EML6: variants seen among roughly 807,000 people sequenced by gnomAD.
EML6 encodes the protein echinoderm microtubule-associated protein-like 6.
Under a neutral mutation model 240.1 loss-of-function variants are expected in EML6, and 154 were observed. That is an observed-to-expected ratio of 0.64 (90% CI 0.56 to 0.73). EML6 has a LOEUF of 0.73. Ranked by LOEUF, EML6 falls within the 30% of genes least tolerant of loss-of-function variation. The pLI is 0.00. For synonymous variants in EML6, 1,148 were observed against 899.0 expected, an observed-to-expected ratio of 1.28 and a Z score of -4.95; for missense variants, 2,964 against 2,474.6, an observed-to-expected ratio of 1.20 and a Z score of -4.20.
At chr2:54,805,707 A>G (rs56063218) in intron 2 of EML6, among the ~76,000 whole-genome samples, 5,738 of 152,134 alleles carry the variant, frequency 0.038, 381 homozygotes, top group African/African-American at 0.13. Context: ...CCTTTGTGTA[A>G]TGGTTCATGC....
Position 54,869,626 on chromosome 2 carries a change from A to C in EML6, c.2238+259A>C, listed in dbSNP as rs941011742. On this transcript the variant is annotated intron_variant, in intron 15 of 41. Transcript: ENST00000356458. Reference sequence around the variant, plus strand: ...GGACCAGCTAAAACTAAAATGGTGAAAGTTTTGTCAAGGAGCAGCTTTATA... The same window carrying C: ...GGACCAGCTAAAACTAAAATGGTGACAGTTTTGTCAAGGAGCAGCTTTATA... Among the ~76,000 whole-genome samples the C allele has an allele frequency of 5.3e-5, 8 of 152,144 alleles. No individual in the cohort carries two copies. The South Asian group carries it at 8.3e-4, about 16-fold the overall frequency.
At chr2:54,823,848 C>CA (rs1668442877) in intron 5 of EML6, among the ~76,000 whole-genome samples, 1 of 146,378 alleles carries the variant, frequency 6.8e-6, no homozygotes, top group Non-Finnish European at 1.5e-5. Context: ...TTCATTCATT[C>CA]ATTCTCTCTC....
chr2:54,742,840 G>C (rs540446261), intron 2 of EML6, among the ~76,000 whole-genome samples: 4 of 152,312 alleles, frequency 2.6e-5, no homozygotes, highest in Admixed American at 1.3e-4. Flanking sequence ...CCCTGAGTAA[G>C]TTTTTTCACA....
chr2:54,903,398 C>G lies in EML6; in HGVS notation c.3305C>G (p.Ser1102Cys), dbSNP rs755466131. 1.9e-6 allele frequency: 3 copies of G among 1,551,560 alleles called. No homozygotes were observed. The highest frequency in any genetic ancestry group is 2.6e-6 in the Non-Finnish European group (3 of 1,146,940). The change falls in exon 24 of 42, where the codon TCC (serine) becomes TGC (cysteine). Residue 1102 changes from serine to cysteine, a missense_variant. By Grantham distance (112) the Ser-to-Cys change is moderately radical. Coordinates refer to ENST00000356458, the MANE Select transcript of EML6 (RefSeq NM_001039753.4). The part of the protein sequence containing the change: ...KDTGKYLAVA[S>C]HDNFVDIYNV... ...ACGGGAAAATACCTTGCCGTGGCAT[C>G]CCATGATAACTTTGTGGATATTTAC...
chr2:54,944,123 CTTAA>C (rs1675564224), intron 28 of EML6, among the ~76,000 whole-genome samples: 1 of 152,222 alleles, frequency 6.6e-6, no homozygotes, highest in East Asian at 1.9e-4. Flanking sequence ...TACCCTCTCT[CTTAA>C]TTAATCTTTT....
At chr2:54,921,568 T>C (rs1190742641) in intron 26 of EML6, among the ~76,000 whole-genome samples, 2 of 151,952 alleles carry the variant, frequency 1.3e-5, no homozygotes, top group Non-Finnish European at 2.9e-5. Flanking sequence ...TTCACAAAAA[T>C]TGGAAAAACA....
intron 7 of EML6, among the ~76,000 whole-genome samples, chr2:54,837,905 A>G (rs1388527394): frequency 2.0e-5 from 3 of 152,172 alleles, no homozygotes; most frequent in Admixed American, 1.3e-4. Context: ...GCCCTTTACC[A>G]TATCAGGCCT....
intron 29 of EML6, among the ~76,000 whole-genome samples, chr2:54,949,413 A>G (rs1239108262): frequency 1.3e-5 from 2 of 152,184 alleles, no homozygotes; most frequent in Non-Finnish European, 2.9e-5. Context: ...GGAGGGACGC[A>G]CCATTACTGT....
chr2:54,965,064 C>T (rs750776329), intron 38 of EML6, among the ~76,000 whole-genome samples: 1 of 152,154 alleles, frequency 6.6e-6, no homozygotes, highest in African/African-American at 2.4e-5. Context: ...AGCCTTGTGC[C>T]GCTTCTGGTA....
intron 2 of EML6, among the ~76,000 whole-genome samples, chr2:54,740,965 T>A (rs1683603722): frequency 6.6e-6 from 1 of 152,178 alleles, no homozygotes; most frequent in African/African-American, 2.4e-5. Flanking sequence ...TTATAATTAT[T>A]TTCTTCCCAG....
intron 28 of EML6, among the ~76,000 whole-genome samples, chr2:54,946,687 A>G (rs1053223887): frequency 3.3e-5 from 5 of 152,168 alleles, no homozygotes; most frequent in Non-Finnish European, 7.3e-5. Context: ...AAGTATTCAC[A>G]CCGCTCTGGA....
At chr2:54,807,687 TGTA>T (rs1384096840) in intron 2 of EML6, among the ~76,000 whole-genome samples, 8 of 152,324 alleles carry the variant, frequency 5.3e-5, no homozygotes, top group African/African-American at 1.9e-4. Context: ...AACAGTGAAA[TGTA>T]GTAAAATAAT....
chr2:54,739,614 T>C (rs1053803201), intron 2 of EML6, among the ~76,000 whole-genome samples: 5 of 152,176 alleles, frequency 3.3e-5, no homozygotes, highest in Admixed American at 2.0e-4. Flanking sequence ...ACATCTCCTC[T>C]CAATGAACTT....
Position 54,847,529 on chromosome 2 carries a change from A to T in EML6, c.1093A>T (p.Met365Leu). Reference protein sequence around the residue: ...ADHALIARCNMEEAVRSVAFS... With the variant: ...ADHALIARCNLEEAVRSVAFS... ...TCATGCCTTGATCGCCCGCTGTAAC[A>T]TGGAAGAGGCGGTTCGCAGTGTAGC... is the stretch of plus-strand genomic sequence containing the variant. The change falls in exon 9 of 42, where the codon ATG (methionine) becomes TTG (leucine). Residue 365 changes from methionine to leucine, a missense_variant. Met to Leu is a conservative substitution (Grantham distance 15, BLOSUM62 2). Coordinates refer to ENST00000356458, the MANE Select transcript of EML6 (RefSeq NM_001039753.4). 6.4e-7 allele frequency: 1 copy of T among 1,552,140 alleles called. No individual in the cohort carries two copies. Among genetic ancestry groups the T allele is most frequent in the Non-Finnish European group, 8.7e-7 (1 of 1,147,078 alleles).
At chr2:54,860,877 A>G (rs1311690765) in intron 12 of EML6, among the ~76,000 whole-genome samples, 2 of 152,176 alleles carry the variant, frequency 1.3e-5, no homozygotes, top group Admixed American at 6.5e-5. Context: ...TACCTCCCAG[A>G]GGACTCCATC....
chr2:54,768,059 G>A (rs1404737918), intron 2 of EML6, among the ~76,000 whole-genome samples: 1 of 152,150 alleles, frequency 6.6e-6, no homozygotes, highest in African/African-American at 2.4e-5. Context: ...GTTCAGATGT[G>A]GGCCTCTTGA....
chr2:54,813,470 T>C (rs1030167861), intron 3 of EML6, 79 bp downstream of exon 3: 2 of 1,215,902 alleles, frequency 1.6e-6, no homozygotes, highest in South Asian at 1.4e-5. Context: ...AGCCAGTAGA[T>C]TCAAAGTCCA....
At chr2:54,770,851 C>T (rs1668375084) in intron 2 of EML6, among the ~76,000 whole-genome samples, 1 of 152,132 alleles carries the variant, frequency 6.6e-6, no homozygotes, top group Non-Finnish European at 1.5e-5. Flanking sequence ...GAATGCTTCT[C>T]TGCTTGTCCT....
chr2:54,810,458 C>A (rs776160835), intron 2 of EML6, among the ~76,000 whole-genome samples: 21 of 152,194 alleles, frequency 1.4e-4, no homozygotes, highest in Non-Finnish European at 2.4e-4. Flanking sequence ...GGAATTAGAA[C>A]AACTGCTCGG....
Sources: allele counts gnomAD v4.1 joint callset (sites outside exome capture counted in the v4.1 genomes callset), GRCh38; gene constraint gnomAD v4.1.1; transcripts MANE v1.5; gene names NCBI Gene and HGNC (gene_info 2026-07-23, HGNC 2026-07-21).